Variants in MYO15B observed in about 807,000 individuals in gnomAD.
MYO15B encodes myosin XVB.
A neutral mutation model predicts 119.3 loss-of-function variants in MYO15B; 207 were observed. The ratio of observed to expected loss-of-function variants is 1.73; its 90% CI spans 1.55 to 1.95. MYO15B has a LOEUF of 1.95. Ranked by LOEUF, MYO15B falls within the 30% of genes most tolerant of loss-of-function variation. The pLI is 0.00. For missense variants in MYO15B, 2,264 were observed against 1,203.1 expected, an observed-to-expected ratio of 1.88 and a Z score of -13.04; for synonymous variants, 966 against 498.9, an observed-to-expected ratio of 1.94 and a Z score of -12.48.
exon 13 of MYO15B, chr17:75,596,527 C>G (rs536357212): frequency 1.4e-4 from 100 of 702,994 alleles, no homozygotes; most frequent in Non-Finnish European, 2.3e-4. Flanking sequence ...CAGCTCTTCT[C>G]CAGCCAGATG....
intron 9 of MYO15B, 65 bp downstream of exon 9, chr17:75,592,905 T>C: frequency 3.0e-6 from 2 of 665,200 alleles, no homozygotes; most frequent in South Asian, 1.6e-5. Flanking sequence ...GCAGTGGTAA[T>C]GACGCCAAAT....
chr17:75,612,597 G>A (rs1453048404), intron 25 of MYO15B, among the ~76,000 whole-genome samples: 1 of 151,970 alleles, frequency 6.6e-6, no homozygotes, highest in East Asian at 1.9e-4. Flanking sequence ...CCTGGGAGGT[G>A]GAGGCTGCAG....
intron 5 of MYO15B, 72 bp downstream of exon 5, chr17:75,591,784 T>C: frequency 1.4e-6 from 1 of 700,536 alleles, no homozygotes; most frequent in Non-Finnish European, 2.6e-6. Context: ...CAGCTGACCA[T>C]GTCCAAGGGA....
intron 41 of MYO15B, 61 bp from the exon 42 acceptor site, chr17:75,617,749 C>T: frequency 6.1e-6 from 4 of 660,960 alleles, no homozygotes; most frequent in South Asian, 3.2e-5. Context: ...CCCTCCCGTG[C>T]CCCCATCACT....
At chr17:75,612,089 G>C (rs544445414) in intron 25 of MYO15B, 73 bp downstream of exon 25, 8 of 676,514 alleles carry the variant, frequency 1.2e-5, no homozygotes, top group Non-Finnish European at 2.2e-5. Flanking sequence ...CAGATGCTGC[G>C]TTTTTTTCCC....
chr17:75,614,493 G>A (rs1394484630), intron 30 of MYO15B, 90 bp from the exon 31 acceptor site: 4 of 673,880 alleles, frequency 5.9e-6, no homozygotes, highest in African/African-American at 5.3e-5. Context: ...CCAACCATGG[G>A]GTGACCCCCG....
chr17:75,591,151 C>A, intron 3 of MYO15B, 21 bp from the exon 4 acceptor site: 1 of 702,836 alleles, frequency 1.4e-6, no homozygotes, highest in Non-Finnish European at 2.6e-6. Flanking sequence ...CCATGTCTGG[C>A]AACCTTCTCA....
intron 20 of MYO15B, 108 bp from the exon 21 acceptor site, chr17:75,605,756 C>T: frequency 1.5e-6 from 1 of 650,928 alleles, no homozygotes; most frequent in South Asian, 1.7e-5. Context: ...GACGGCAGGG[C>T]CAGAAGAACA....
intron 14 of MYO15B, 147 bp from the exon 15 acceptor site, chr17:75,601,291 G>C (rs1459672224): frequency 5.2e-6 from 3 of 581,282 alleles, no homozygotes; most frequent in Non-Finnish European, 9.3e-6. Context: ...CGACCACCTC[G>C]GCCTCCCAAA....
At chr17:75,602,779 G>T in intron 16 of MYO15B, 51 bp from the exon 17 acceptor site, 2 of 606,620 alleles carry the variant, frequency 3.3e-6, no homozygotes, top group Non-Finnish European at 5.9e-6. Context: ...GGGCTGCAGG[G>T]TGGATGGGCA....
exon 20 of MYO15B, chr17:75,605,562 G>A: frequency 1.4e-6 from 1 of 702,986 alleles, no homozygotes; most frequent in South Asian, 1.5e-5. Context: ...GAAGTGTGGT[G>A]CCGTCCTGAG....
At chr17:75,626,314 G>A (rs2059060717) in intron 63 of MYO15B, 86 bp downstream of exon 63, 2 of 698,754 alleles carry the variant, frequency 2.9e-6, no homozygotes, top group Admixed American at 4.0e-5. Flanking sequence ...CCCAGGCCCA[G>A]GCCGATGCCC....
exon 22 of MYO15B, chr17:75,610,221 G>C (rs820137): frequency 0.052 from 36,197 of 701,290 alleles, 3,301 homozygotes; most frequent in African/African-American, 0.32. Context: ...CATCCTGCTG[G>C]TGGCCCAGCC....
chr17:75,613,056 G>A (rs1014157232), exon 27 of MYO15B: 8 of 701,624 alleles, frequency 1.1e-5, no homozygotes, highest in Non-Finnish European at 1.8e-5. Flanking sequence ...CAGGGGCAGT[G>A]CCGGCCAGGG....
chr17:75,605,395 CCACT>C (rs1239905580), intron 19 of MYO15B, 105 bp from the exon 20 acceptor site: 25 of 618,968 alleles, frequency 4.0e-5, no homozygotes, highest in Non-Finnish European at 8.6e-6. Flanking sequence ...CGAGATCGCG[CCACT>C]GTACTCCCGC....
intron 22 of MYO15B, 136 bp from the exon 23 acceptor site, chr17:75,610,764 C>T: frequency 1.6e-6 from 1 of 640,834 alleles, no homozygotes; most frequent in Non-Finnish European, 2.8e-6. Flanking sequence ...GGTGGCTGGC[C>T]CCTCCTGATC....
At chr17:75,623,674 A>T in intron 53 of MYO15B, 107 bp from the exon 54 acceptor site, 1 of 660,808 alleles carries the variant, frequency 1.5e-6, no homozygotes. Context: ...TGAGAGAGAC[A>T]TCTTGAGCCA....
chr17:75,625,818 C>G, intron 61 of MYO15B, 26 bp from the exon 62 acceptor site: 1 of 702,144 alleles, frequency 1.4e-6, no homozygotes, highest in Non-Finnish European at 2.6e-6. Flanking sequence ...AGTCAGATTT[C>G]CTGCCTGCAC....
Position 75,625,511 on chromosome 17 carries a change from T to C in MYO15B, c.8805-16T>C, listed in dbSNP as rs921889830. 38 of 702,904 alleles carry C rather than the reference T, an allele frequency of 5.4e-5. No individual in the cohort carries two copies. Among genetic ancestry groups the C allele is most frequent in the Middle Eastern group, 2.3e-4 (1 of 4,392 alleles). 43.5% of individuals were successfully genotyped at this position (702,904 alleles called of 1,614,324 possible). A position where few individuals can be genotyped will look rare whatever the true frequency, so the allele number is the denominator to read the frequency against. ...AGGTGGTCAGGGGCCAAACTGACCC[T>C]GGTCACACATCCTAGGCAGGACCTG... is the stretch of plus-strand genomic sequence containing the variant. On this transcript the variant is annotated splice_polypyrimidine_tract_variant and intron_variant, in intron 60 of 63. Transcript: ENST00000645453.
Sources: allele counts gnomAD v4.1 joint callset (sites outside exome capture counted in the v4.1 genomes callset), GRCh38; gene constraint gnomAD v4.1.1; transcripts MANE v1.5; gene names NCBI Gene and HGNC (gene_info 2026-07-23, HGNC 2026-07-21).